Variants in ENTREP2 observed in about 807,000 individuals in gnomAD.
ENTREP2 encodes protein ENTREP2.
the ENTREP2 span, among the ~76,000 whole-genome samples, chr15:29,130,053 G>A: frequency 6.6e-6 from 1 of 152,070 alleles, no homozygotes; most frequent in South Asian, 2.1e-4. Context: ...CAGATAGCTG[G>A]TCTCCTTCAT....
chr15:29,596,478 C>A, the ENTREP2 span, among the ~76,000 whole-genome samples: 2 of 152,124 alleles, frequency 1.3e-5, no homozygotes, highest in Non-Finnish European at 2.9e-5. Context: ...GGGGGCACAA[C>A]TTTATCAGCT....
chr15:29,377,823 AAAT>A, the ENTREP2 span, among the ~76,000 whole-genome samples: 1,275 of 112,970 alleles, frequency 0.011, 15 homozygotes, highest in African/African-American at 0.03. Context: ...TCTGTCTCAA[AAAT>A]AATAATAATA....
chr15:29,197,680 C>T, the ENTREP2 span, among the ~76,000 whole-genome samples: 30 of 151,810 alleles, frequency 2.0e-4, no homozygotes, highest in African/African-American at 6.3e-4. Flanking sequence ...GCAGGAGAAT[C>T]GCTTGAACCC....
the ENTREP2 span, among the ~76,000 whole-genome samples, chr15:29,577,619 G>C: frequency 6.6e-6 from 1 of 152,138 alleles, no homozygotes; most frequent in African/African-American, 2.4e-5. Context: ...CTCCTGAAGT[G>C]CTGGGATTAC....
At chr15:29,490,347 C>G in the ENTREP2 span, among the ~76,000 whole-genome samples, 3 of 152,144 alleles carry the variant, frequency 2.0e-5, no homozygotes, top group Non-Finnish European at 2.9e-5. Context: ...TGAGCAGTGG[C>G]AAGATTTACC....
the ENTREP2 span, among the ~76,000 whole-genome samples, chr15:29,300,248 A>ATGGT: frequency 1.8e-4 from 27 of 147,920 alleles, no homozygotes; most frequent in African/African-American, 6.5e-4. Flanking sequence ...AAATGGATGG[A>ATGGT]TGGATGGATG....
At chr15:29,673,122 G>C in the ENTREP2 span, among the ~76,000 whole-genome samples, 1 of 152,128 alleles carries the variant, frequency 6.6e-6, no homozygotes, top group Non-Finnish European at 1.5e-5. Flanking sequence ...GCTGGTAGGA[G>C]TGTCTTTTAG....
the ENTREP2 span, among the ~76,000 whole-genome samples, chr15:29,349,525 C>T: frequency 6.6e-6 from 1 of 152,162 alleles, no homozygotes; most frequent in South Asian, 2.1e-4. Context: ...GGAGCATCCC[C>T]AAGCTGCCAG....
the ENTREP2 span, among the ~76,000 whole-genome samples, chr15:29,138,689 A>ATG: frequency 3.1e-3 from 363 of 116,044 alleles, 6 homozygotes; most frequent in Admixed American, 0.022. Flanking sequence ...GTGTATGTGT[A>ATG]TGTGTGTGTA....
chr15:29,272,000 C>T, the ENTREP2 span, among the ~76,000 whole-genome samples: 1 of 152,090 alleles, frequency 6.6e-6, no homozygotes, highest in African/African-American at 2.4e-5. Flanking sequence ...TACCAAGCAG[C>T]CCACCAGTCA....
chr15:29,583,568 T>G, the ENTREP2 span, among the ~76,000 whole-genome samples: 1 of 152,116 alleles, frequency 6.6e-6, no homozygotes, highest in African/African-American at 2.4e-5. Context: ...GGTTGATAGG[T>G]GCAGCAAACC....
chr15:29,407,293 T>C, the ENTREP2 span, among the ~76,000 whole-genome samples: 2 of 152,082 alleles, frequency 1.3e-5, no homozygotes, highest in Non-Finnish European at 2.9e-5. Flanking sequence ...AACGGTACAG[T>C]AAAAACATGG....
At chr15:29,168,645 C>A in the ENTREP2 span, among the ~76,000 whole-genome samples, 2 of 152,174 alleles carry the variant, frequency 1.3e-5, no homozygotes, top group Non-Finnish European at 2.9e-5. Flanking sequence ...ATAGAGAAAT[C>A]TGTGAAGCTA....
At chr15:29,417,136 C>G in the ENTREP2 span, among the ~76,000 whole-genome samples, 497 of 152,286 alleles carry the variant, frequency 3.3e-3, no homozygotes, top group Non-Finnish European at 5.0e-3. Flanking sequence ...CCAGCCATCC[C>G]ATTACTGGGT....
chr15:29,599,615 G>A, the ENTREP2 span, among the ~76,000 whole-genome samples: 5 of 152,102 alleles, frequency 3.3e-5, no homozygotes, highest in South Asian at 2.1e-4. Flanking sequence ...CATAACAATC[G>A]CATTATAATC....
At chr15:29,544,407 G>T in the ENTREP2 span, among the ~76,000 whole-genome samples, 1 of 145,224 alleles carries the variant, frequency 6.9e-6, no homozygotes, top group Non-Finnish European at 1.5e-5. Flanking sequence ...AGAAGTTCTG[G>T]AGGTGTATGA....
chr15:29,451,572 C>T, the ENTREP2 span, among the ~76,000 whole-genome samples: 16 of 152,188 alleles, frequency 1.1e-4, no homozygotes, highest in African/African-American at 3.9e-4. Context: ...GTGGATGACT[C>T]GGGGCGTGAC....
the ENTREP2 span, among the ~76,000 whole-genome samples, chr15:29,575,954 C>T: frequency 1.3e-5 from 2 of 152,206 alleles, no homozygotes; most frequent in African/African-American, 2.4e-5. Flanking sequence ...AAAACTCCAA[C>T]AGCCCTTTTT....
the ENTREP2 span, among the ~76,000 whole-genome samples, chr15:29,255,739 T>C: frequency 9.9e-5 from 15 of 151,994 alleles, no homozygotes; most frequent in East Asian, 1.9e-4. Flanking sequence ...CGGTGGCTCA[T>C]GCCTGTAATC....
Sources: gnomAD v4.1 joint callset for allele counts (sites outside exome capture counted in the v4.1 genomes callset) on GRCh38, gnomAD v4.1.1 for gene constraint, MANE v1.5 for transcripts, NCBI Gene and HGNC (gene_info 2026-07-23, HGNC 2026-07-21) for gene names.